Variants in AGBL4 observed in about 807,000 individuals in gnomAD.
The protein encoded by AGBL4 is AGBL carboxypeptidase 4, also known as cytosolic carboxypeptidase 6.
AGBL4 carries 58 observed loss-of-function variants against 66.4 expected under a neutral mutation model. The ratio of observed to expected loss-of-function variants is 0.87; its 90% CI spans 0.71 to 1.09. The LOEUF is 1.09. Among genes scored for constraint, AGBL4 ranks in the 50% least tolerant of loss-of-function variants. The pLI is 0.00. For missense variants in AGBL4, 579 were observed against 631.0 expected, an observed-to-expected ratio of 0.92 and a Z score of 0.88; for synonymous variants, 234 against 222.9, an observed-to-expected ratio of 1.05 and a Z score of -0.44.
At chr1:48,948,138 G>T (rs928427348) in intron 5 of AGBL4, among the ~76,000 whole-genome samples, 1 of 152,148 alleles carries the variant, frequency 6.6e-6, no homozygotes, top group Non-Finnish European at 1.5e-5. Flanking sequence ...ACTTACAAAT[G>T]TACAAAGGGA....
At chr1:49,701,335 G>A (rs1344201985) in intron 2 of AGBL4, among the ~76,000 whole-genome samples, 1 of 151,878 alleles carries the variant, frequency 6.6e-6, no homozygotes, top group Admixed American at 6.6e-5. Flanking sequence ...TTTGCTAAGA[G>A]AGTAGATCTT....
chr1:48,766,497 A>C (rs148529176), intron 6 of AGBL4, among the ~76,000 whole-genome samples: 3 of 152,338 alleles, frequency 2.0e-5, no homozygotes, highest in Non-Finnish European at 4.4e-5. Flanking sequence ...TATCCTCAGT[A>C]AGTCTCCAGA....
intron 2 of AGBL4, among the ~76,000 whole-genome samples, chr1:49,815,998 C>T (rs1645221656): frequency 6.6e-6 from 1 of 152,050 alleles, no homozygotes; most frequent in Non-Finnish European, 1.5e-5. Flanking sequence ...TGAAGCAATC[C>T]TCCCCCATCA....
chr1:49,761,725 A>G (rs1652333002), intron 2 of AGBL4, among the ~76,000 whole-genome samples: 1 of 152,208 alleles, frequency 6.6e-6, no homozygotes, highest in Admixed American at 6.5e-5. Context: ...CCTCTCTTAT[A>G]GCTTTTTAAA....
chr1:48,591,073 CCCA>C, intron 9 of AGBL4, 88 bp from the exon 10 acceptor site: 1 of 990,940 alleles, frequency 1.0e-6, no homozygotes, highest in African/African-American at 1.8e-5. Context: ...ACACACACCC[CCCA>C]CACACACCCA....
At chr1:49,224,850 A>G (rs1172327172) in intron 4 of AGBL4, among the ~76,000 whole-genome samples, 1 of 152,130 alleles carries the variant, frequency 6.6e-6, no homozygotes, top group African/African-American at 2.4e-5. Flanking sequence ...TGGGGTTGGG[A>G]TAAGTTGACA....
intron 3 of AGBL4, chr1:49,527,708 T>C (rs1570953095): frequency 1.3e-5 from 2 of 152,282 alleles, no homozygotes; most frequent in East Asian, 3.9e-4. Flanking sequence ...TTGCCACCAT[T>C]CTCGGTGCCC....
At chr1:48,917,723 G>A (rs1653713288) in intron 5 of AGBL4, among the ~76,000 whole-genome samples, 1 of 152,192 alleles carries the variant, frequency 6.6e-6, no homozygotes, top group African/African-American at 2.4e-5. Context: ...TTTTGTATAT[G>A]AAAAAATTGG....
chr1:49,614,426 T>C (rs1465749127), intron 3 of AGBL4, among the ~76,000 whole-genome samples: 1 of 152,192 alleles, frequency 6.6e-6, no homozygotes, highest in East Asian at 1.9e-4. Flanking sequence ...TTCCATGGTA[T>C]GAGGTAACAC....
intron 4 of AGBL4, among the ~76,000 whole-genome samples, chr1:49,181,215 C>T (rs1323993679): frequency 1.3e-5 from 2 of 152,184 alleles, no homozygotes; most frequent in Non-Finnish European, 2.9e-5. Context: ...GTGCCCAATT[C>T]ATTCCTACCT....
chr1:49,741,598 AAAAG>A (rs1251920179), intron 2 of AGBL4, among the ~76,000 whole-genome samples: 2 of 152,194 alleles, frequency 1.3e-5, no homozygotes, highest in Admixed American at 6.5e-5. Context: ...ACACAACAAA[AAAAG>A]AGAATCATAG....
At chr1:48,546,314 T>C (rs538600402) in intron 11 of AGBL4, among the ~76,000 whole-genome samples, 132 of 152,374 alleles carry the variant, frequency 8.7e-4, no homozygotes, top group African/African-American at 3.0e-3. Flanking sequence ...GTATGTTGTT[T>C]CCTTTCTTGA....
At chr1:48,800,252 A>G (rs962198007) in intron 6 of AGBL4, among the ~76,000 whole-genome samples, 2 of 152,148 alleles carry the variant, frequency 1.3e-5, no homozygotes, top group East Asian at 1.9e-4. Context: ...CCAGGAATTT[A>G]TCCATCTCCT....
intron 6 of AGBL4, among the ~76,000 whole-genome samples, chr1:48,825,639 CATAA>C (rs1271266643): frequency 6.6e-6 from 1 of 152,026 alleles, no homozygotes; most frequent in Admixed American, 6.5e-5. Context: ...TGAATAAGTG[CATAA>C]ATAAAGGAAC....
chr1:49,918,057 C>T (rs75532924), intron 1 of AGBL4, among the ~76,000 whole-genome samples: 1 of 152,112 alleles, frequency 6.6e-6, no homozygotes. Context: ...ACACAACATA[C>T]CAGAATCTCT....
intron 3 of AGBL4, among the ~76,000 whole-genome samples, chr1:49,453,162 T>A (rs1363697127): frequency 6.6e-6 from 1 of 151,874 alleles, no homozygotes; most frequent in Non-Finnish European, 1.5e-5. Flanking sequence ...AAACAAAACT[T>A]CTTCTTCTTC....
At chr1:49,969,129 C>T (rs1032728698) in intron 1 of AGBL4, among the ~76,000 whole-genome samples, 3 of 152,148 alleles carry the variant, frequency 2.0e-5, no homozygotes, top group African/African-American at 7.2e-5. Flanking sequence ...ATTAAACTAT[C>T]AATAGGAAAG....
At chr1:49,712,481 C>A (rs954502646) in intron 2 of AGBL4, among the ~76,000 whole-genome samples, 5 of 151,398 alleles carry the variant, frequency 3.3e-5, no homozygotes, top group African/African-American at 1.2e-4. Flanking sequence ...AGATAAAGAT[C>A]AAAAATATAA....
In AGBL4 at chr1:49,851,398, C is replaced by G; in HGVS notation, c.155G>C (p.Ser52Thr). 1 of 1,547,864 alleles carries G rather than the reference C, an allele frequency of 6.5e-7. No homozygotes were observed. Among genetic ancestry groups the G allele is most frequent in the Non-Finnish European group, 8.7e-7 (1 of 1,145,252 alleles). The change falls in exon 2 of 14, where the codon AGT becomes ACT. Residue 52 changes from serine to threonine, a missense_variant and splice_region_variant. By Grantham distance (58) the Ser-to-Thr change is moderately conservative. Coordinates refer to ENST00000371839, the MANE Select transcript of AGBL4 (RefSeq NM_032785.4). ...GGAAAAGCCTTTAATATACTTACCA[C>G]TTTCAAAGCAAGCATCAAAGATAAG... ...GHLIFDACFE[S>T]GNLGRVDQVS... is the part of the protein sequence containing the mutation.
Sources: allele counts gnomAD v4.1 joint callset (sites outside exome capture counted in the v4.1 genomes callset), GRCh38; gene constraint gnomAD v4.1.1; transcripts MANE v1.5; gene names NCBI Gene and HGNC (gene_info 2026-07-23, HGNC 2026-07-21).